AFG1L: variants seen among roughly 807,000 people sequenced by gnomAD.
AFG1L encodes the protein AFG1-like ATPase.
In AFG1L, 53 loss-of-function variants were observed where a neutral mutation model predicts 62.2. The ratio of observed to expected loss-of-function variants is 0.85; its 90% CI spans 0.68 to 1.07. The LOEUF is 1.07. AFG1L is among the 50% of genes least tolerant of loss of function. The pLI, the probability that AFG1L is intolerant of heterozygous loss-of-function variation, is 0.00. For synonymous variants in AFG1L, 228 were observed against 210.3 expected, an observed-to-expected ratio of 1.08 and a Z score of -0.73; for missense variants, 555 against 590.5, an observed-to-expected ratio of 0.94 and a Z score of 0.62.
At chr6:108,472,240 G>A (rs1245516243) in intron 8 of AFG1L, among the ~76,000 whole-genome samples, 1 of 152,150 alleles carries the variant, frequency 6.6e-6, no homozygotes, top group Admixed American at 6.5e-5. Flanking sequence ...AAGGGATGAG[G>A]AGAGGTAGGT....
At chr6:108,366,893 C>A (rs1456052486) in intron 6 of AFG1L, among the ~76,000 whole-genome samples, 3 of 152,130 alleles carry the variant, frequency 2.0e-5, no homozygotes, top group East Asian at 3.9e-4. Flanking sequence ...TCTAAGAAAC[C>A]ACAAATATTT....
At chr6:108,490,890 A>G (rs1773750725) in intron 10 of AFG1L, among the ~76,000 whole-genome samples, 1 of 152,236 alleles carries the variant, frequency 6.6e-6, no homozygotes, top group South Asian at 2.1e-4. Context: ...TGCTCAGTAC[A>G]TACTTGGTAA....
chr6:108,361,744 A>C (rs1185567541), intron 5 of AFG1L, among the ~76,000 whole-genome samples: 1 of 152,064 alleles, frequency 6.6e-6, no homozygotes, highest in Non-Finnish European at 1.5e-5. Flanking sequence ...CCCTCATTTC[A>C]TCATATCTTT....
intron 1 of AFG1L, among the ~76,000 whole-genome samples, chr6:108,322,243 A>C (rs1024361667): frequency 6.6e-6 from 1 of 152,140 alleles, no homozygotes; most frequent in African/African-American, 2.4e-5. Context: ...AAATCCAGGT[A>C]GGCAATCCAA....
intron 10 of AFG1L, among the ~76,000 whole-genome samples, chr6:108,478,383 G>A (rs931970750): frequency 6.6e-6 from 1 of 152,266 alleles, no homozygotes; most frequent in Non-Finnish European, 1.5e-5. Flanking sequence ...CCTGCATTGA[G>A]CCGAGGTCGC....
In AFG1L at chr6:108,399,339, C is replaced by T. The variant is rs865848380; in HGVS notation, c.749-2657C>T. Among the ~76,000 whole-genome samples, 120 of 151,794 alleles carry T rather than the reference C, an allele frequency of 7.9e-4. 1 individual carries two copies. The highest frequency in any genetic ancestry group is 2.8e-3 in the African/African-American group (115 of 41,326). On this transcript the variant is annotated intron_variant, in intron 6 of 12. Transcript: ENST00000368977. Reference sequence around the variant, plus strand: ...AGTAGCTGGGACAACAGGTGCGTGCCACCACACCCCACTAATTTTTGTAGT... The same window carrying T: ...AGTAGCTGGGACAACAGGTGCGTGCTACCACACCCCACTAATTTTTGTAGT...
At chr6:108,365,765 G>A (rs1779731712) in intron 5 of AFG1L, among the ~76,000 whole-genome samples, 1 of 151,988 alleles carries the variant, frequency 6.6e-6, no homozygotes. Context: ...AAAGGCCCAT[G>A]ACCATTTAAA....
intron 10 of AFG1L, among the ~76,000 whole-genome samples, chr6:108,501,018 G>T (rs1334169872): frequency 6.6e-6 from 1 of 151,756 alleles, no homozygotes; most frequent in South Asian, 2.1e-4. Context: ...TTTTGAGACG[G>T]AGTCTTGCTC....
chr6:108,443,617 G>A (rs1041994257), intron 7 of AFG1L, among the ~76,000 whole-genome samples: 3 of 152,168 alleles, frequency 2.0e-5, no homozygotes, highest in African/African-American at 7.2e-5. Flanking sequence ...GCTCATGCCT[G>A]CAATCCCAGC....
At chr6:108,396,640 G>A (rs139708073) in intron 6 of AFG1L, among the ~76,000 whole-genome samples, 234 of 151,860 alleles carry the variant, frequency 1.5e-3, no homozygotes, top group African/African-American at 4.7e-3. Context: ...ACAGGTACTC[G>A]CCACCACCCC....
chr6:108,414,356 G>A (rs554771845), intron 7 of AFG1L, among the ~76,000 whole-genome samples: 1 of 152,290 alleles, frequency 6.6e-6, no homozygotes, highest in Admixed American at 6.5e-5. Flanking sequence ...AAGAGGATCT[G>A]GTACCATTCC....
chr6:108,343,997 C>T (rs569676851), intron 2 of AFG1L, among the ~76,000 whole-genome samples: 1 of 152,308 alleles, frequency 6.6e-6, no homozygotes, highest in South Asian at 2.1e-4. Flanking sequence ...AAAACAAAAA[C>T]AGGCCAGGTA....
intron 8 of AFG1L, among the ~76,000 whole-genome samples, chr6:108,456,337 G>A (rs1772251362): frequency 6.6e-6 from 1 of 151,796 alleles, no homozygotes; most frequent in Admixed American, 6.6e-5. Flanking sequence ...TGGGTTTCTT[G>A]TTGGCAACAT....
At chr6:108,342,503 C>T (rs1450345533) in intron 2 of AFG1L, among the ~76,000 whole-genome samples, 2 of 152,034 alleles carry the variant, frequency 1.3e-5, no homozygotes, top group Admixed American at 6.6e-5. Context: ...TGAAGAAAAC[C>T]GTGTAACCCT....
At chr6:108,323,128 G>C (rs928439231) in intron 1 of AFG1L, among the ~76,000 whole-genome samples, 3 of 152,184 alleles carry the variant, frequency 2.0e-5, no homozygotes, top group Non-Finnish European at 4.4e-5. Context: ...CTTGGGACTA[G>C]TCTTCACGTC....
chr6:108,472,810 CTT>C (rs527868653), intron 8 of AFG1L, among the ~76,000 whole-genome samples: 1 of 129,364 alleles, frequency 7.7e-6, no homozygotes, highest in Admixed American at 8.0e-5. Flanking sequence ...CTTTTCTTTT[CTT>C]TTTTTTTTTG....
chr6:108,418,135 G>A (rs1356430834), intron 7 of AFG1L, among the ~76,000 whole-genome samples: 3 of 152,098 alleles, frequency 2.0e-5, no homozygotes, highest in Admixed American at 6.6e-5. Context: ...TATCTATATA[G>A]CATCATTTTA....
intron 11 of AFG1L, among the ~76,000 whole-genome samples, chr6:108,511,336 G>T (rs897364018): frequency 1.3e-5 from 2 of 152,092 alleles, no homozygotes; most frequent in African/African-American, 2.4e-5. Context: ...TTTTTAATCC[G>T]CATGTTTTAG....
chr6:108,360,896 C>T (rs1261472839), intron 5 of AFG1L, among the ~76,000 whole-genome samples: 2 of 152,252 alleles, frequency 1.3e-5, no homozygotes. Context: ...ACCATCCACA[C>T]AATGTATAAT....
Sources: allele counts gnomAD v4.1 joint callset (sites outside exome capture counted in the v4.1 genomes callset), GRCh38; gene constraint gnomAD v4.1.1; transcripts MANE v1.5; gene names NCBI Gene and HGNC (gene_info 2026-07-23, HGNC 2026-07-21).